Variants in RNF208 observed in about 807,000 individuals in gnomAD.
RNF208 encodes ring finger protein 208.
In RNF208, 7 loss-of-function variants were observed where a neutral mutation model predicts 15.2. The observed-to-expected ratio is 0.46, with a 90% CI of 0.26 to 0.86. The LOEUF (loss-of-function observed/expected upper bound fraction) is 0.86. RNF208 is among the 40% of genes least tolerant of loss of function. The probability of loss-of-function intolerance (pLI) is 0.16; values close to 1 mark genes in which losing one functional copy is unlikely to be tolerated. For synonymous variants in RNF208, 211 were observed against 163.2 expected, an observed-to-expected ratio of 1.29 and a Z score of -2.23; for missense variants, 342 against 364.1, an observed-to-expected ratio of 0.94 and a Z score of 0.49.
At position 137,220,722 on chromosome 9, in the gene RNF208, T is replaced by TC. The variant is rs1218414918; in HGVS notation, c.490_491insG (p.His164ArgfsTer5). On this transcript the variant is annotated frameshift_variant, in exon 2 of 2. Transcript: ENST00000391553. LOFTEE classifies it high-confidence loss of function. ...CTGCAGGCACTGCTCACACACAGAG[T>TC]GCAGGCAGGACAGCACGCGGGGCCT... 1 of 1,612,328 alleles carries TC rather than the reference T, an allele frequency of 6.2e-7. No individual in the cohort carries two copies. Among genetic ancestry groups the TC allele is most frequent in the East Asian group, 2.2e-5 (1 of 44,870 alleles).
Position 137,221,174 on chromosome 9 carries a change from C to A in RNF208, c.39G>T (p.Trp13Cys). ...SDPGPEAGSG[W>C]PGLLMSCLKG... ...TCAGGCAGGACATGAGGAGGCCCGG[C>A]CAGCCACTGCCCGCCTCGGGCCCGG... Residue 13 changes from tryptophan to cysteine, a missense_variant, in exon 2 of 2, where the codon TGG becomes TGT. Trp to Cys is a radical substitution (Grantham distance 215). Coordinates refer to ENST00000391553, the MANE Select transcript of RNF208 (RefSeq NM_031297.7). 1 of 1,538,362 alleles carries A rather than the reference C, an allele frequency of 6.5e-7. No homozygotes were observed.
rs1835830787 is a variant in RNF208 at position 137,220,360 on chromosome 9, G to C, written c.*67C>G. ...GAAGGAAGGGTCAGCGGGCGGCAGG[G>C]CAGGGCCGGGTCCCTGAAGAAGCAG... On this transcript the variant is annotated 3_prime_UTR_variant, in exon 2 of 2. Coordinates refer to ENST00000391553, the MANE Select transcript of RNF208 (RefSeq NM_031297.7). 2 of 1,448,750 alleles carry C rather than the reference G, an allele frequency of 1.4e-6. No homozygotes were observed. The highest frequency in any genetic ancestry group is 4.5e-5 in the Admixed American group (2 of 44,606). The allele number at this position is 1,448,750 out of a possible 1,614,324, so 89.7% of individuals were successfully genotyped here. A position where few individuals can be genotyped will look rare whatever the true frequency, so the allele number is the denominator to read the frequency against.
upstream of RNF208, among the ~76,000 whole-genome samples, chr9:137,222,887 CG>C (rs1232644386): frequency 1.3e-5 from 2 of 152,214 alleles, no homozygotes; most frequent in Non-Finnish European, 2.9e-5. Flanking sequence ...CTTCCTCACC[CG>C]GGGCTTCCCT....
chr9:137,220,644 C>T lies in RNF208; in HGVS notation c.569G>A (p.Arg190His), dbSNP rs200684852. The T allele has an allele frequency of 3.2e-5, 51 of 1,612,424 alleles. No individual in the cohort carries two copies. Among genetic ancestry groups the T allele is most frequent in the Middle Eastern group, 1.6e-4 (1 of 6,084 alleles). ...KYKFISCPTC[R>H]RETVLFTDYG... ...GTCGGTGAAGAGCACAGTCTCACGG[C>T]GGCAGGTGGGGCAGGAGATGAACTT... The change falls in exon 2 of 2, where the codon CGC (arginine) becomes CAC (histidine). Residue 190 changes from arginine to histidine, a missense_variant. This residue lies in a region of RNF208 where 76 missense variants were observed against 118.0 expected (regional missense o/e 0.64). Coordinates refer to ENST00000391553, the MANE Select transcript of RNF208 (RefSeq NM_031297.7).
chr9:137,223,135 G>T (rs1327872557), upstream of RNF208, among the ~76,000 whole-genome samples: 1 of 152,272 alleles, frequency 6.6e-6, no homozygotes. Context: ...GGACGGTGCC[G>T]CTGGTGCGGG....
rs1444665453 is a variant in RNF208 at position 137,221,142 on chromosome 9, G to A, written c.71C>T (p.Pro24Leu). 1 of 1,589,120 alleles carries A rather than the reference G, an allele frequency of 6.3e-7. No individual in the cohort carries two copies. The highest frequency in any genetic ancestry group is 1.3e-5 in the African/African-American group (1 of 74,576). ...PGLLMSCLKG[P>L]HVILKMEAMK... The stretch of plus-strand genomic sequence containing the variant: ...GGCCTCCATCTTGAGGATGACATGG[G>A]GACCCTTCAGGCAGGACATGAGGAG... Residue 24 changes from proline to leucine, a missense_variant, in exon 2 of 2, where the codon CCC (proline) becomes CTC (leucine). Physicochemically the swap from Pro to Leu is moderately conservative, Grantham distance 98. Coordinates refer to ENST00000391553, the MANE Select transcript of RNF208 (RefSeq NM_031297.7).
Position 137,221,268 on chromosome 9 carries a change from TGGGGGGCA to T in RNF208, c.-64_-57del. The T allele has an allele frequency of 9.0e-6, 1 of 111,516 alleles. No homozygotes were observed. The highest frequency in any genetic ancestry group is 1.4e-5 in the Non-Finnish European group (1 of 69,434). 6.9% of individuals were successfully genotyped at this position (111,516 alleles called of 1,614,324 possible). On this transcript the variant is annotated 5_prime_UTR_variant, in exon 2 of 2. The change abolishes the stop of an existing upstream ORF in the 5' untranslated region. Transcript: ENST00000391553. ...GGTGGGTGGGGGCGTTGTGTGGGGC[TGGGGGGCA>T]GGTGACAGGGCAGCATCCTGGTCCC...
chr9:137,222,584 G>A (rs1034068135), upstream of RNF208, among the ~76,000 whole-genome samples: 3 of 152,200 alleles, frequency 2.0e-5, no homozygotes, highest in East Asian at 3.9e-4. Context: ...TGGTTCCAGG[G>A]CCCACCGGTG....
chr9:137,221,184 C>G lies in RNF208; in HGVS notation c.29G>C (p.Gly10Ala). Reference protein sequence around the residue: MPSDPGPEAGSGWPGLLMSC... With the variant: MPSDPGPEAASGWPGLLMSC... The stretch of plus-strand genomic sequence containing the variant: ...CATGAGGAGGCCCGGCCAGCCACTG[C>G]CCGCCTCGGGCCCGGGGTCAGAGGG... The change falls in exon 2 of 2, where the codon GGC becomes GCC. Residue 10 changes from glycine (G) to alanine (A), a missense_variant. Coordinates refer to ENST00000391553, the MANE Select transcript of RNF208 (RefSeq NM_031297.7). 6.5e-7 allele frequency: 1 copy of G among 1,527,958 alleles called. No individual in the cohort carries two copies. The highest frequency in any genetic ancestry group is 1.2e-5 in the South Asian group (1 of 80,312). 94.7% of individuals were successfully genotyped at this position (1,527,958 alleles called of 1,614,324 possible).
Position 137,220,287 on chromosome 9 carries a change from G to T in RNF208, c.*140C>A. ...GGCAAAGAGTTTTAATGGCAAAGTT[G>T]GCTGCAGCGACAATGCCACTCGGGG... On this transcript the variant is annotated 3_prime_UTR_variant, in exon 2 of 2. Coordinates refer to ENST00000391553, the MANE Select transcript of RNF208 (RefSeq NM_031297.7). 1.1e-6 allele frequency: 1 copy of T among 915,366 alleles called. No individual in the cohort carries two copies. Among genetic ancestry groups the T allele is most frequent in the Non-Finnish European group, 1.6e-6 (1 of 624,436 alleles). The allele number at this position is 915,366 out of a possible 1,614,324, so 56.7% of individuals were successfully genotyped here.
chr9:137,220,486 A>G lies in RNF208; in HGVS notation c.727T>C (p.Cys243Arg). 6.2e-7 allele frequency: 1 copy of G among 1,601,878 alleles called. No individual in the cohort carries two copies. Among genetic ancestry groups the G allele is most frequent in the Non-Finnish European group, 8.5e-7 (1 of 1,175,218 alleles). The change falls in exon 2 of 2, where the codon TGT becomes CGT. Residue 243 changes from cysteine (C) to arginine (R), a missense_variant. Physicochemically the swap from Cys to Arg is radical, Grantham distance 180 (BLOSUM62 -3). This residue lies in a region of RNF208 where 59 missense variants were observed against 52.4 expected (regional missense o/e 1.13). Transcript: ENST00000391553. ...GSCYQTFRQY[C>R]GAACTCHVRN... is the part of the protein sequence containing the mutation. ...ACGTGGCAGGTGCACGCGGCCCCACAGTACTGCCGGAAGGTCTGGTAGCAG... is the reference window on the plus strand; with the variant it reads ...ACGTGGCAGGTGCACGCGGCCCCACGGTACTGCCGGAAGGTCTGGTAGCAG...
In RNF208 at chr9:137,220,963, C is replaced by A. The variant is rs758493588; in HGVS notation, c.250G>T (p.Ala84Ser). Residue 84 changes from alanine to serine, a missense_variant, in exon 2 of 2, where the codon GCC (alanine) becomes TCC (serine). Physicochemically the swap from Ala to Ser is moderately conservative, Grantham distance 99 (BLOSUM62 1). Coordinates refer to ENST00000391553, the MANE Select transcript of RNF208 (RefSeq NM_031297.7). The stretch of plus-strand genomic sequence containing the variant: ...GGGGTATGGGGTGCCCCTTCCAAGG[C>A]AGGCATGTCCCCCCCACAGGCCTGG... The part of the protein sequence containing the change: ...VNQACGGDMP[A>S]LEGAPHTPPL... 2 of 1,544,496 alleles carry A rather than the reference C, an allele frequency of 1.3e-6. No homozygotes were observed. The highest frequency in any genetic ancestry group is 1.9e-5 in the Admixed American group (1 of 52,308).
Position 137,221,318 on chromosome 9 carries a change from G to T in RNF208, c.-106C>A. On this transcript the variant is annotated 5_prime_UTR_variant, in exon 2 of 2. Coordinates refer to ENST00000391553, the MANE Select transcript of RNF208 (RefSeq NM_031297.7). ...CCTGGTCCCGCCAGGCCTGGGGGGG[G>T]CCCCGGACGGCCCGTGGACTCCTAG... 6 of 801,782 alleles carry T rather than the reference G, an allele frequency of 7.5e-6. No homozygotes were observed. The highest frequency in any genetic ancestry group is 1.1e-5 in the Non-Finnish European group (6 of 539,744). 49.7% of individuals were successfully genotyped at this position (801,782 alleles called of 1,614,324 possible). A position where few individuals can be genotyped will look rare whatever the true frequency, so the allele number is the denominator to read the frequency against.
At position 137,220,761 on chromosome 9, in the gene RNF208, T is replaced by C. The variant is rs758114713; in HGVS notation, c.452A>G (p.Asn151Ser). ...CACGCGGGGCCTCCGCTGGGTGACATTGTAGGAGTGCCCACAGGTGGGGCA... is the reference window on the plus strand; with the variant it reads ...CACGCGGGGCCTCCGCTGGGTGACACTGTAGGAGTGCCCACAGGTGGGGCA... ...LECPTCGHSY[N>S]VTQRRPRVLS... Residue 151 changes from asparagine (N) to serine (S), a missense_variant, in exon 2 of 2, where the codon AAT becomes AGT. By Grantham distance (46) the Asn-to-Ser change is conservative (BLOSUM62 1). Around this residue, in one of 3 missense-constraint regions of RNF208, gnomAD observed 76 missense variants for 118.0 expected, o/e 0.64. Transcript: ENST00000391553. 5.0e-6 allele frequency: 8 copies of C among 1,611,826 alleles called. No homozygotes were observed. The highest frequency in any genetic ancestry group is 1.1e-5 in the South Asian group (1 of 91,078).
chr9:137,221,921 G>A (rs1016187517), intron 1 of RNF208, among the ~76,000 whole-genome samples, 68 bp downstream of exon 1: 2 of 151,852 alleles, frequency 1.3e-5, no homozygotes, highest in African/African-American at 4.8e-5. Context: ...GCACCTTCCC[G>A]AGGGCCGACC....
chr9:137,221,176 A>G lies in RNF208; in HGVS notation c.37T>C (p.Trp13Arg), dbSNP rs1470127400. ...AGGCAGGACATGAGGAGGCCCGGCC[A>G]GCCACTGCCCGCCTCGGGCCCGGGG... ...SDPGPEAGSG[W>R]PGLLMSCLKG... The change falls in exon 2 of 2, where the codon TGG becomes CGG. Residue 13 changes from tryptophan to arginine, a missense_variant. Physicochemically the swap from Trp to Arg is moderately radical, Grantham distance 101. This residue lies in a region of RNF208 where 207 missense variants were observed against 193.7 expected (regional missense o/e 1.07). Coordinates refer to ENST00000391553, the MANE Select transcript of RNF208 (RefSeq NM_031297.7). 3 of 1,494,510 alleles carry G rather than the reference A, an allele frequency of 2.0e-6. No homozygotes were observed. Among genetic ancestry groups the G allele is most frequent in the African/African-American group, 1.4e-5 (1 of 70,158 alleles). The allele number at this position is 1,494,510 out of a possible 1,614,324, so 92.6% of individuals were successfully genotyped here.
At chr9:137,222,243 G>A (rs1011077998), upstream of RNF208, among the ~76,000 whole-genome samples, 47 of 146,420 alleles carry the variant, frequency 3.2e-4, no homozygotes, top group African/African-American at 1.1e-3. Flanking sequence ...CGCGCTCTGC[G>A]GCGGAGGCGC....
At position 137,221,060 on chromosome 9, in the gene RNF208, C is replaced by G. The variant is rs539579214; in HGVS notation, c.153G>C (p.Pro51=). 1.9e-6 allele frequency: 3 copies of G among 1,601,032 alleles called. No individual in the cohort carries two copies. ...FPELPAAPCF[P]PAPRPTPTLA... ...GAGTTGGGGTGGGCCGGGGAGCAGG[C>G]GGGAAGCAGGGGGCAGCCGGTAGCT... is the stretch of plus-strand genomic sequence containing the variant. The change falls in exon 2 of 2, where the codon CCG becomes CCC. Residue 51 remains proline, a synonymous_variant. Transcript: ENST00000391553.
In RNF208 at chr9:137,220,553, C is replaced by T. The variant is rs780715603; in HGVS notation, c.660G>A (p.Thr220=). The change falls in exon 2 of 2, where the codon ACG becomes ACA. Residue 220 remains threonine (T), a synonymous_variant. Coordinates refer to ENST00000391553, the MANE Select transcript of RNF208 (RefSeq NM_031297.7). ...CCCCCCACTGACCCCCGGATGGGGC[C>T]GTCAGCGCCTCAGGCGGCAGGCGGC... ...ILSRLPPEAL[T]APSGGQWGAE... 4.3e-6 allele frequency: 7 copies of T among 1,609,252 alleles called. No individual in the cohort carries two copies. The highest frequency in any genetic ancestry group is 4.0e-5 in the African/African-American group (3 of 74,922).
Sources: allele counts gnomAD v4.1 joint callset (sites outside exome capture counted in the v4.1 genomes callset), GRCh38; gene constraint gnomAD v4.1.1; regional missense constraint gnomAD v4.1.1; transcripts MANE v1.5; gene names NCBI Gene and HGNC (gene_info 2026-07-23, HGNC 2026-07-21).